The following LYST variants were observed in gnomAD, a reference collection of about 807,000 sequenced individuals.
LYST encodes the protein lysosomal-trafficking regulator.
In LYST, 192 loss-of-function variants were observed where a neutral mutation model predicts 413.6. The ratio of observed to expected loss-of-function variants is 0.46; its 90% CI spans 0.41 to 0.52. LYST has a LOEUF of 0.52. Among genes scored for constraint, LYST ranks in the 20% least tolerant of loss-of-function variants. The pLI is 0.00. For missense variants in LYST, 3,815 were observed against 4,499.9 expected, an observed-to-expected ratio of 0.85 and a Z score of 4.35; for synonymous variants, 1,525 against 1,567.3, an observed-to-expected ratio of 0.97 and a Z score of 0.64.
At chr1:235,673,229 T>TC (rs764062945) in intron 50 of LYST, among the ~76,000 whole-genome samples, 1 of 152,152 alleles carries the variant, frequency 6.6e-6, no homozygotes, top group Admixed American at 6.5e-5. Flanking sequence ...TCTTTTTTTT[T>TC]CTCTTCTCTT....
At chr1:235,833,163 AG>A (rs1399522216) in intron 2 of LYST, among the ~76,000 whole-genome samples, 1 of 152,164 alleles carries the variant, frequency 6.6e-6, no homozygotes. Flanking sequence ...TTTGTATATT[AG>A]GAAGTATTCA....
chr1:235,781,238 T>C (rs1669844477), intron 15 of LYST, among the ~76,000 whole-genome samples, 183 bp from the exon 16 acceptor site: 2 of 152,230 alleles, frequency 1.3e-5, no homozygotes, highest in Non-Finnish European at 2.9e-5. Context: ...ATGTCAACTA[T>C]GATGGAAGAT....
Position 235,759,366 on chromosome 1 carries a change from C to A in LYST, c.6487G>T (p.Ala2163Ser). The stretch of plus-strand genomic sequence containing the variant: ...GCAGACTCACAGCTACTGATGAATG[C>A]GTCCTCTTTGCCTTTTTTCAGTGTG... ...SDTLKKGKEDAFISSCESAKT... is the reference protein window; with the variant it reads ...SDTLKKGKEDSFISSCESAKT... The change falls in exon 23 of 53, where the codon GCA becomes TCA. Residue 2163 changes from alanine (A) to serine (S), a missense_variant. Around this residue, in one of 4 missense-constraint regions of LYST, gnomAD observed 771 missense variants for 837.1 expected, o/e 0.92. Coordinates refer to ENST00000389793, the MANE Select transcript of LYST (RefSeq NM_000081.4). The A allele has an allele frequency of 1.2e-6, 2 of 1,614,152 alleles. No homozygotes were observed. The highest frequency in any genetic ancestry group is 8.5e-7 in the Non-Finnish European group (1 of 1,180,006).
chr1:235,746,318 CTA>C lies in LYST; in HGVS notation c.7972+16_7972+17del. On this transcript the variant is annotated intron_variant, in intron 29 of 52. Coordinates refer to ENST00000389793, the MANE Select transcript of LYST (RefSeq NM_000081.4). ...ATTTTAAAATCTGAGGAAAAACAAA[CTA>C]ATCCTATAGTCTTACCTTGATAAAT... 1 of 1,607,120 alleles carries C rather than the reference CTA, an allele frequency of 6.2e-7. No individual in the cohort carries two copies. The highest frequency in any genetic ancestry group is 8.5e-7 in the Non-Finnish European group (1 of 1,173,868).
rs1346763642 is a variant in LYST at position 235,808,847 on chromosome 1, G to A, written c.1971C>T (p.Asn657=). The A allele has an allele frequency of 1.2e-6, 2 of 1,614,010 alleles. No individual in the cohort carries two copies. Among genetic ancestry groups the A allele is most frequent in the East Asian group, 4.5e-5 (2 of 44,868 alleles). Residue 657 remains asparagine (N), a synonymous_variant, in exon 5 of 53, where the codon AAC becomes AAT. Coordinates refer to ENST00000389793, the MANE Select transcript of LYST (RefSeq NM_000081.4). ...LAQLEETLQG[N]LCDAELSSSL... ...TTGAGGAGAGTTCAGCATCACATAA[G>A]TTTCCCTGCAGTGTCTCTTCTAATT...
intron 1 of LYST, among the ~76,000 whole-genome samples, chr1:235,849,340 C>G (rs1268782576): frequency 6.6e-6 from 1 of 151,956 alleles, no homozygotes; most frequent in East Asian, 1.9e-4. Context: ...AAATTCTCAG[C>G]AAAATCGGCA....
At chr1:235,667,870 G>A (rs940635577) in intron 50 of LYST, among the ~76,000 whole-genome samples, 5 of 151,968 alleles carry the variant, frequency 3.3e-5, no homozygotes, top group African/African-American at 1.2e-4. Context: ...CACTGTGTTA[G>A]CCAGGATGGT....
chr1:235,856,674 G>A (rs1679228191), intron 1 of LYST, among the ~76,000 whole-genome samples: 1 of 152,122 alleles, frequency 6.6e-6, no homozygotes, highest in African/African-American at 2.4e-5. Context: ...TTTCAGTAAT[G>A]TGGAGCAAAT....
In LYST at chr1:235,751,346, T is replaced by C. The variant is rs780693389; in HGVS notation, c.7644A>G (p.Leu2548=). The change falls in exon 28 of 53, where the codon CTA becomes CTG. Residue 2548 remains leucine, a synonymous_variant. Transcript: ENST00000389793. ...TAGCAGCCTGGAGAACTCTAAGCTGTAGTGCAACAGCCATATCTAAAAACA... is the reference window on the plus strand; with the variant it reads ...TAGCAGCCTGGAGAACTCTAAGCTGCAGTGCAACAGCCATATCTAAAAACA... ...NKRTQNMAVA[L]QLRVLQAAME... 3.7e-6 allele frequency: 6 copies of C among 1,613,390 alleles called. No homozygotes were observed. The highest frequency in any genetic ancestry group is 5.1e-6 in the Non-Finnish European group (6 of 1,179,592).
At chr1:235,826,499 T>A (rs181200889) in intron 3 of LYST, among the ~76,000 whole-genome samples, 111 of 152,226 alleles carry the variant, frequency 7.3e-4, no homozygotes, top group African/African-American at 2.6e-3. Context: ...TTCAGAGACA[T>A]GAGAGTACAT....
intron 16 of LYST, 32 bp downstream of exon 16, chr1:235,780,833 A>T (rs1167017549): frequency 1.1e-6 from 1 of 941,306 alleles, no homozygotes; most frequent in South Asian, 2.0e-5. Flanking sequence ...TACATTTACT[A>T]TAAAATTAAA....
chr1:235,672,974 TCACCGA>T lies in LYST; in HGVS notation c.11038+4111_11038+4116del, dbSNP rs1659070707. The stretch of plus-strand genomic sequence containing the variant: ...AAACTCCACCCCTCAAACTCCCAGT[TCACCGA>T]CACCAACCCGGAGATCACATCCTTA... On this transcript the variant is annotated intron_variant, in intron 50 of 52. Coordinates refer to ENST00000389793, the MANE Select transcript of LYST (RefSeq NM_000081.4). Among the ~76,000 whole-genome samples, 6 of 152,288 alleles carry T rather than the reference TCACCGA, an allele frequency of 3.9e-5. No homozygotes were observed. In the South Asian group the frequency reaches 1.2e-3, roughly 32 times the overall value.
chr1:235,861,325 T>C (rs1246095339), intron 1 of LYST, among the ~76,000 whole-genome samples: 2 of 152,336 alleles, frequency 1.3e-5, no homozygotes, highest in African/African-American at 4.8e-5. Flanking sequence ...TGTTATTAGG[T>C]AAGATTTTTG....
chr1:235,780,483 G>A (rs1415502826), intron 16 of LYST, among the ~76,000 whole-genome samples: 1 of 151,706 alleles, frequency 6.6e-6, no homozygotes, highest in East Asian at 1.9e-4. Flanking sequence ...CATTATAAAT[G>A]GATATTATTT....
rs954003291 is a variant in LYST, at chr1:235,662,249, A to G, written c.*691T>C. On this transcript the variant is annotated 3_prime_UTR_variant, in exon 53 of 53. Coordinates refer to ENST00000389793, the MANE Select transcript of LYST (RefSeq NM_000081.4). Reference sequence around the variant, plus strand: ...AGTAAAATTTTTATGAAGAAACAGAATGTGTCTGAAATCCAAGATACCTGT... The same window carrying G: ...AGTAAAATTTTTATGAAGAAACAGAGTGTGTCTGAAATCCAAGATACCTGT... The G allele has an allele frequency of 1.3e-5, 2 of 152,814 alleles. No individual in the cohort carries two copies. Among genetic ancestry groups the G allele is most frequent in the African/African-American group, 4.8e-5 (2 of 41,466 alleles). The allele number at this position is 152,814 out of a possible 1,614,324, so 9.5% of individuals were successfully genotyped here.
chr1:235,729,510 G>T, intron 37 of LYST, 86 bp downstream of exon 37: 1 of 888,214 alleles, frequency 1.1e-6, no homozygotes. Flanking sequence ...CAATTTAATG[G>T]CATGCTGTCA....
chr1:235,838,072 C>T (rs751441733), intron 1 of LYST, among the ~76,000 whole-genome samples: 1 of 151,908 alleles, frequency 6.6e-6, no homozygotes, highest in African/African-American at 2.4e-5. Context: ...TCAGAGAATA[C>T]GAGTATAGAT....
At chr1:235,738,324 T>A (rs1269163434) in intron 31 of LYST, 6 of 1,611,962 alleles carry the variant, frequency 3.7e-6, no homozygotes, top group Non-Finnish European at 5.1e-6. Context: ...CATCTTAATT[T>A]GGTCCAGTGT....
chr1:235,755,649 TA>T lies in LYST; in HGVS notation c.7060-3del. 6.3e-7 allele frequency: 1 copy of T among 1,577,250 alleles called. No individual in the cohort carries two copies. The highest frequency in any genetic ancestry group is 8.7e-7 in the Non-Finnish European group (1 of 1,147,212). On this transcript the variant is annotated splice_polypyrimidine_tract_variant and splice_region_variant and intron_variant, in intron 24 of 52. Transcript: ENST00000389793. The stretch of plus-strand genomic sequence containing the variant: ...TCTAGCAAAATATGCATCTAATAGC[TA>T]AACAAAAAATTTAAGTCAATTTAGA...
Sources: gnomAD v4.1 joint callset for allele counts (sites outside exome capture counted in the v4.1 genomes callset) on GRCh38, gnomAD v4.1.1 for gene constraint, gnomAD v4.1.1 regional missense constraint, MANE v1.5 for transcripts, NCBI Gene and HGNC (gene_info 2026-07-23, HGNC 2026-07-21) for gene names.